The following CLEC12A variants were observed in gnomAD, a reference collection of about 807,000 sequenced individuals.
CLEC12A encodes the protein C-type lectin protein CLL-1.
CLEC12A carries 22 observed loss-of-function variants against 26.5 expected under a neutral mutation model. That is an observed-to-expected ratio of 0.83 (90% CI 0.59 to 1.19). The LOEUF is 1.19. Among genes scored for constraint, CLEC12A ranks in the 50% most tolerant of loss-of-function variants. The probability of loss-of-function intolerance (pLI) is 0.00; values close to 1 mark genes in which losing one functional copy is unlikely to be tolerated. For synonymous variants in CLEC12A, 119 were observed against 101.9 expected, an observed-to-expected ratio of 1.17 and a Z score of -1.01; for missense variants, 353 against 315.6, an observed-to-expected ratio of 1.12 and a Z score of -0.90.
chr12:9,980,944 G>C (rs1294169707), intron 4 of CLEC12A, among the ~76,000 whole-genome samples: 2 of 152,154 alleles, frequency 1.3e-5, no homozygotes, highest in African/African-American at 2.4e-5. Flanking sequence ...CTGACAGGTA[G>C]ATGAGTATTA....
intron 1 of CLEC12A, among the ~76,000 whole-genome samples, chr12:9,963,558 A>G (rs1382490274): frequency 6.6e-6 from 1 of 152,036 alleles, no homozygotes; most frequent in Non-Finnish European, 1.5e-5. Flanking sequence ...TCTTAAACTG[A>G]TAAGCAAGGG....
upstream of CLEC12A, among the ~76,000 whole-genome samples, chr12:9,966,926 G>A (rs35414660): frequency 8.7e-5 from 12 of 138,292 alleles, no homozygotes; most frequent in African/African-American, 1.4e-4. Context: ...GAGCCTAAAC[G>A]CTATCTGATT....
chr12:9,988,664 A>G (rs1174690367), downstream of CLEC12A, among the ~76,000 whole-genome samples: 5 of 152,228 alleles, frequency 3.3e-5, no homozygotes, highest in Non-Finnish European at 5.9e-5. Context: ...CCACAATGAG[A>G]TACCATCCCA....
rs1251680871 is a variant in CLEC12A, at chr12:9,979,084, T to C, written c.190+20T>C. The C allele has an allele frequency of 1.3e-6, 2 of 1,581,146 alleles. No homozygotes were observed. Among genetic ancestry groups the C allele is most frequent in the Non-Finnish European group, 1.7e-6 (2 of 1,150,840 alleles). ...GCATGTGTATGTACTGCCCCTGTTT[T>C]TGTCAAGAGGAAGTATCTAGAATTT... On this transcript the variant is annotated intron_variant, in intron 2 of 5. Coordinates refer to ENST00000304361, the MANE Select transcript of CLEC12A (RefSeq NM_138337.6).
chr12:9,977,766 T>C (rs1283238354), intron 1 of CLEC12A, among the ~76,000 whole-genome samples: 1 of 152,158 alleles, frequency 6.6e-6, no homozygotes, highest in Non-Finnish European at 1.5e-5. Flanking sequence ...TTTATAGCTG[T>C]GAAAACAGGA....
At chr12:10,000,422 G>A (rs957246155), downstream of CLEC12A, among the ~76,000 whole-genome samples, 5 of 151,786 alleles carry the variant, frequency 3.3e-5, no homozygotes, top group Admixed American at 6.6e-5. Context: ...AGCATAACAC[G>A]TATAAAAGAC....
At chr12:9,997,280 C>G, downstream of CLEC12A, 2 of 1,607,858 alleles carry the variant, frequency 1.2e-6, no homozygotes, top group Non-Finnish European at 1.7e-6. Context: ...TGCATGACAG[C>G]TAGGTTTAAA....
upstream of CLEC12A, among the ~76,000 whole-genome samples, chr12:9,967,236 A>G (rs949190356): frequency 6.6e-6 from 1 of 151,586 alleles, no homozygotes; most frequent in Non-Finnish European, 1.5e-5. Context: ...GCGGGAGGGA[A>G]AGAAGGAAGA....
chr12:9,955,998 C>A (rs1450446906), intron 1 of CLEC12A, among the ~76,000 whole-genome samples: 1 of 152,138 alleles, frequency 6.6e-6, no homozygotes, highest in Non-Finnish European at 1.5e-5. Flanking sequence ...CAAGAACTGA[C>A]AAAGTTGAAG....
intron 4 of CLEC12A, among the ~76,000 whole-genome samples, chr12:9,994,069 G>A (rs534179866): frequency 1.3e-5 from 2 of 152,206 alleles, no homozygotes; most frequent in South Asian, 2.1e-4. Flanking sequence ...GTGGTGGACT[G>A]TATGGATATG....
At chr12:9,993,406 C>CAA (rs11412323) in intron 4 of CLEC12A, 7,444 of 504,348 alleles carry the variant, frequency 0.015, 8 homozygotes, top group South Asian at 0.022. Flanking sequence ...GAAAAAAAAA[C>CAA]AAAAAAAAAA....
At chr12:9,979,300 GA>G (rs1180036022) in intron 2 of CLEC12A, 35 bp from the exon 3 acceptor site, 2 of 1,463,564 alleles carry the variant, frequency 1.4e-6, no homozygotes, top group Non-Finnish European at 1.9e-6. Flanking sequence ...GCTCTATTGA[GA>G]ATTTACAATT....
intron 1 of CLEC12A, among the ~76,000 whole-genome samples, chr12:9,977,477 C>T (rs1864384308): frequency 6.6e-6 from 1 of 152,114 alleles, no homozygotes; most frequent in Non-Finnish European, 1.5e-5. Context: ...TCACATTGGC[C>T]ACAATTCTTC....
chr12:9,957,730 A>T (rs1863766432), intron 1 of CLEC12A, among the ~76,000 whole-genome samples: 1 of 152,208 alleles, frequency 6.6e-6, no homozygotes, highest in Admixed American at 6.5e-5. Context: ...GGTTGACTTC[A>T]AGTTCTATCC....
At position 9,964,628 on chromosome 12, in the gene CLEC12A, G is replaced by C. The variant is rs913731223; in HGVS notation, c.11-6949G>C. 1.1e-4 allele frequency among the ~76,000 whole-genome samples: 16 copies of C among 152,238 alleles called. 1 individual carries two copies. Among genetic ancestry groups the C allele is most frequent in the Admixed American group, 9.1e-4 (14 of 15,302 alleles). On this transcript the variant is annotated intron_variant, in intron 1 of 6. Coordinates refer to the CLEC12A transcript ENST00000355690. The stretch of plus-strand genomic sequence containing the variant: ...GGCAAATCCTCGAGCTTGATGTGTA[G>C]GGAAAGGAGGGGGCCTGAATAATCT...
chr12:9,957,155 A>T (rs978366537), intron 1 of CLEC12A, among the ~76,000 whole-genome samples: 1 of 152,190 alleles, frequency 6.6e-6, no homozygotes, highest in African/African-American at 2.4e-5. Context: ...TTCAATATTT[A>T]AAGGGGAAAG....
At chr12:9,968,508 G>A (rs2137126935), upstream of CLEC12A, among the ~76,000 whole-genome samples, 1 of 152,260 alleles carries the variant, frequency 6.6e-6, no homozygotes, top group East Asian at 1.9e-4. Context: ...GAGCCAAGAT[G>A]AGCCAGGAGA....
chr12:9,974,162 T>C (rs1864242046), intron 1 of CLEC12A, among the ~76,000 whole-genome samples: 1 of 152,176 alleles, frequency 6.6e-6, no homozygotes, highest in African/African-American at 2.4e-5. Context: ...ATTACTTCAC[T>C]TCCCTGCAGC....
exon 5 of CLEC12A, chr12:9,995,467 GA>G (rs1397898953): frequency 4.2e-6 from 2 of 479,514 alleles, no homozygotes; most frequent in Non-Finnish European, 7.7e-6. Flanking sequence ...CAAAATAGCT[GA>G]TATTCTAATC....
Sources: gnomAD v4.1 joint callset for allele counts (sites outside exome capture counted in the v4.1 genomes callset) on GRCh38, gnomAD v4.1.1 for gene constraint, MANE v1.5 for transcripts, NCBI Gene and HGNC (gene_info 2026-07-23, HGNC 2026-07-21) for gene names.